Variants in GRM8 observed in about 807,000 individuals in gnomAD.
The protein encoded by GRM8 is metabotropic glutamate receptor 8.
GRM8 carries 47 observed loss-of-function variants against 87.2 expected under a neutral mutation model. The ratio of observed to expected loss-of-function variants is 0.54; its 90% CI spans 0.43 to 0.69. The LOEUF is 0.69. Among genes scored for constraint, GRM8 ranks in the 30% least tolerant of loss-of-function variants. The pLI is 0.00. For synonymous variants in GRM8, 396 were observed against 404.5 expected (o/e 0.98, Z 0.25); for missense variants, 1,019 against 1,139.2 (o/e 0.89, Z 1.52).
intron 3 of GRM8, among the ~76,000 whole-genome samples, chr7:126,983,831 C>T (rs560718490): frequency 6.6e-5 from 10 of 152,150 alleles, no homozygotes; most frequent in African/African-American, 2.4e-4. Flanking sequence ...AAAAAACCCA[C>T]GGCCTGCTAA....
chr7:127,169,116 A>G (rs1248042929), intron 2 of GRM8, among the ~76,000 whole-genome samples: 1 of 152,072 alleles, frequency 6.6e-6, no homozygotes, highest in Non-Finnish European at 1.5e-5. Context: ...CTTAATGAGG[A>G]AGGCAAATAA....
intron 7 of GRM8, among the ~76,000 whole-genome samples, chr7:126,660,561 C>T (rs961269350): frequency 1.3e-5 from 2 of 152,134 alleles, no homozygotes; most frequent in African/African-American, 4.8e-5. Context: ...TAAATGATTA[C>T]AGGTGTTTGG....
intron 3 of GRM8, among the ~76,000 whole-genome samples, chr7:126,957,849 C>T (rs1020838199): frequency 1.4e-4 from 22 of 152,186 alleles, no homozygotes; most frequent in Admixed American, 1.4e-3. Flanking sequence ...CAGGGATGCC[C>T]TGAAGCCCGG....
intron 8 of GRM8, among the ~76,000 whole-genome samples, chr7:126,580,650 T>G (rs1293506631): frequency 6.6e-6 from 1 of 152,144 alleles, no homozygotes; most frequent in East Asian, 1.9e-4. Context: ...ACTAGCTGAA[T>G]GAACTTAAAT....
At chr7:126,690,948 T>A (rs1003548169) in intron 7 of GRM8, among the ~76,000 whole-genome samples, 1 of 152,094 alleles carries the variant, frequency 6.6e-6, no homozygotes, top group East Asian at 1.9e-4. Context: ...TGCTGATTGG[T>A]CCATGGGCAG....
intron 3 of GRM8, among the ~76,000 whole-genome samples, chr7:127,060,901 G>A (rs1268274627): frequency 6.6e-6 from 1 of 152,150 alleles, no homozygotes; most frequent in Non-Finnish European, 1.5e-5. Flanking sequence ...TACTTAGCAA[G>A]TTCAGGGTTC....
At chr7:126,816,004 T>G (rs555352996) in intron 6 of GRM8, among the ~76,000 whole-genome samples, 1 of 150,284 alleles carries the variant, frequency 6.7e-6, no homozygotes, top group Non-Finnish European at 1.5e-5. Context: ...GGCCAGATTT[T>G]TATATATATA....
intron 6 of GRM8, among the ~76,000 whole-genome samples, chr7:126,840,390 T>C (rs1001960527): frequency 6.6e-6 from 1 of 152,210 alleles, no homozygotes; most frequent in Admixed American, 6.5e-5. Context: ...ATTACAGTAT[T>C]TCATAACTGA....
chr7:126,551,207 A>G (rs887722332), intron 8 of GRM8, among the ~76,000 whole-genome samples: 3 of 152,086 alleles, frequency 2.0e-5, no homozygotes, highest in African/African-American at 4.8e-5. Context: ...CATCTTCCCC[A>G]TGCAAAATAG....
intron 2 of GRM8, among the ~76,000 whole-genome samples, chr7:127,176,698 G>A (rs1173422326): frequency 2.0e-5 from 3 of 152,222 alleles, no homozygotes; most frequent in African/African-American, 7.2e-5. Flanking sequence ...CCTCTCACAG[G>A]GCTCCATGCA....
intron 7 of GRM8, among the ~76,000 whole-genome samples, chr7:126,759,863 T>C (rs1817413061): frequency 6.6e-6 from 1 of 152,206 alleles, no homozygotes; most frequent in Admixed American, 6.5e-5. Flanking sequence ...AGTATATATA[T>C]CCTTATCAGC....
At chr7:126,789,037 C>T (rs1448301242) in intron 6 of GRM8, among the ~76,000 whole-genome samples, 1 of 152,242 alleles carries the variant, frequency 6.6e-6, no homozygotes, top group Non-Finnish European at 1.5e-5. Context: ...CCATATCAAA[C>T]ATATCACAAA....
chr7:126,999,104 T>C lies in GRM8; in HGVS notation c.728-94421A>G, dbSNP rs139388595. ...AATAGATAACCCAGAAACAAATCCT[T>C]ATTTTCAACAAAGCTGCCAAGAACA... On this transcript the variant is annotated intron_variant, in intron 3 of 10. Transcript: ENST00000339582. Among the ~76,000 whole-genome samples the C allele has an allele frequency of 8.8e-3, 1,325 of 150,682 alleles. 28 individuals carry two copies. Among genetic ancestry groups the C allele is most frequent in the African/African-American group, 0.03 (1,232 of 41,396 alleles).
At chr7:126,496,828 C>T (rs1415605792) in intron 9 of GRM8, among the ~76,000 whole-genome samples, 2 of 151,640 alleles carry the variant, frequency 1.3e-5, no homozygotes, top group African/African-American at 4.9e-5. Context: ...TCACATTGTT[C>T]CTCACAAAAA....
At chr7:126,778,311 A>T (rs1229820293) in intron 6 of GRM8, among the ~76,000 whole-genome samples, 1 of 152,144 alleles carries the variant, frequency 6.6e-6, no homozygotes, top group Non-Finnish European at 1.5e-5. Context: ...GTTCACAATA[A>T]CATCTCTCCT....
At chr7:126,764,561 G>A (rs554492326) in intron 7 of GRM8, among the ~76,000 whole-genome samples, 31 of 152,086 alleles carry the variant, frequency 2.0e-4, no homozygotes, top group Non-Finnish European at 4.4e-4. Flanking sequence ...TGTATATTTG[G>A]AAATTTTGCA....
At chr7:127,125,542 G>A (rs1827315128) in intron 2 of GRM8, among the ~76,000 whole-genome samples, 1 of 151,814 alleles carries the variant, frequency 6.6e-6, no homozygotes, top group Admixed American at 6.6e-5. Context: ...AATCTCTTCA[G>A]GACAAAACTC....
At chr7:127,137,814 C>T (rs1403422968) in intron 2 of GRM8, among the ~76,000 whole-genome samples, 1 of 152,216 alleles carries the variant, frequency 6.6e-6, no homozygotes, top group South Asian at 2.1e-4. Flanking sequence ...AGTTAAATAA[C>T]AGTTTTGCCT....
intron 3 of GRM8, among the ~76,000 whole-genome samples, chr7:126,905,018 G>A (rs1349205607): frequency 1.3e-5 from 2 of 152,204 alleles, no homozygotes; most frequent in Admixed American, 6.5e-5. Context: ...ATAAGCCAAA[G>A]GACAAGTGAC....
Sources: gnomAD v4.1 joint callset for allele counts (sites outside exome capture counted in the v4.1 genomes callset) on GRCh38, gnomAD v4.1.1 for gene constraint, MANE v1.5 for transcripts, NCBI Gene and HGNC (gene_info 2026-07-23, HGNC 2026-07-21) for gene names.